Variants in MED13 observed in about 807,000 individuals in gnomAD.
The protein encoded by MED13 is mediator of RNA polymerase II transcription subunit 13.
In MED13, 23 loss-of-function variants were observed where a neutral mutation model predicts 225.2. The ratio of observed to expected loss-of-function variants is 0.10; its 90% CI spans 0.07 to 0.14. The LOEUF (loss-of-function observed/expected upper bound fraction) is 0.14, where lower values mean the gene tolerates loss of function less well. MED13 is among the 10% of genes least tolerant of loss of function. The pLI is 1.00. For synonymous variants in MED13, 942 were observed against 889.2 expected (o/e 1.06, Z -1.06); for missense variants, 2,197 against 2,594.5 (o/e 0.85, Z 3.33).
rs1482846328 is a variant in MED13, at chr17:61,943,448, C to A, written c.*3020G>T. On this transcript the variant is annotated 3_prime_UTR_variant, in exon 30 of 30. Transcript: ENST00000397786. The stretch of plus-strand genomic sequence containing the variant: ...AGTAACACATTAAGTTAAAAAATTA[C>A]CTCAGAAGGTAAATATGAAGACGAA... 5 of 152,446 alleles carry A rather than the reference C, an allele frequency of 3.3e-5. No homozygotes were observed. Among genetic ancestry groups the A allele is most frequent in the Admixed American group, 2.0e-4 (3 of 15,262 alleles). 9.4% of individuals were successfully genotyped at this position (152,446 alleles called of 1,614,324 possible).
intron 8 of MED13, 24 bp from the exon 9 acceptor site, chr17:62,011,257 C>A: frequency 6.3e-7 from 1 of 1,586,672 alleles, no homozygotes; most frequent in South Asian, 1.2e-5. Context: ...ATAAAGGTTT[C>A]ATATTTACAG....
intron 8 of MED13, among the ~76,000 whole-genome samples, chr17:62,018,621 C>T (rs1049398799): frequency 6.6e-6 from 1 of 150,960 alleles, no homozygotes; most frequent in Non-Finnish European, 1.5e-5. Flanking sequence ...GGCTGAGGCA[C>T]GAAAATCGCT....
chr17:62,056,798 A>G (rs1310209404), intron 2 of MED13, among the ~76,000 whole-genome samples: 1 of 152,108 alleles, frequency 6.6e-6, no homozygotes, highest in African/African-American at 2.4e-5. Flanking sequence ...TTGTAGCTCT[A>G]TGTCCAGAGA....
In MED13 at chr17:62,052,656, A is replaced by T; in HGVS notation, c.351T>A (p.Thr117=). 6.3e-7 allele frequency: 1 copy of T among 1,597,554 alleles called. No homozygotes were observed. The highest frequency in any genetic ancestry group is 8.5e-7 in the Non-Finnish European group (1 of 1,170,958). ...GATTGTGAACTGCTTTGAAAAGCAG[A>T]GTACGGCATTCATAGGAAAGTCCAT... ...WENGLSYECR[T]LLFKAVHNLL... is the part of the protein sequence containing the mutation. The change falls in exon 3 of 30, where the codon ACT becomes ACA. Residue 117 remains threonine (T), a synonymous_variant. Transcript: ENST00000397786.
chr17:62,000,051 C>G (rs1484742304), intron 9 of MED13, among the ~76,000 whole-genome samples: 6 of 152,118 alleles, frequency 3.9e-5, no homozygotes, highest in East Asian at 1.9e-4. Context: ...GCCTGGGTAA[C>G]AGAGCAAGAT....
chr17:61,956,140 A>G (rs373943838), intron 24 of MED13, among the ~76,000 whole-genome samples, 199 bp downstream of exon 24: 85 of 152,346 alleles, frequency 5.6e-4, no homozygotes, highest in African/African-American at 1.9e-3. Context: ...AACAGCAGTA[A>G]TAAGACTGAT....
intron 10 of MED13, among the ~76,000 whole-genome samples, chr17:61,994,004 A>AT (rs1290224109): frequency 0.01 from 1,489 of 145,976 alleles, 17 homozygotes; most frequent in African/African-American, 0.028. Context: ...ACAGATTTCA[A>AT]TTTTTTTTTT....
At chr17:61,999,010 C>T (rs1354260200) in intron 9 of MED13, among the ~76,000 whole-genome samples, 1 of 142,228 alleles carries the variant, frequency 7.0e-6, no homozygotes, top group Non-Finnish European at 1.5e-5. Context: ...CAAAGGAAAG[C>T]TTTATTTGCA....
intron 16 of MED13, among the ~76,000 whole-genome samples, chr17:61,978,202 C>A (rs961688077): frequency 2.7e-5 from 4 of 150,504 alleles, no homozygotes; most frequent in African/African-American, 9.8e-5. Context: ...CGGGCTGGAG[C>A]GAAATGGCAG....
At chr17:62,014,637 T>C (rs761025082) in intron 8 of MED13, among the ~76,000 whole-genome samples, 1 of 152,138 alleles carries the variant, frequency 6.6e-6, no homozygotes, top group Non-Finnish European at 1.5e-5. Flanking sequence ...TCTTGAGTAC[T>C]TGAATTGTGG....
intron 11 of MED13, among the ~76,000 whole-genome samples, chr17:61,991,665 G>T (rs1261808344): frequency 1.3e-5 from 2 of 152,094 alleles, no homozygotes; most frequent in East Asian, 3.9e-4. Context: ...GTGCCTCCAT[G>T]CCCAGCTAAT....
rs764129800 is a variant in MED13, at chr17:61,965,147, G to A, written c.4703C>T (p.Ala1568Val). The A allele has an allele frequency of 2.5e-6, 4 of 1,614,000 alleles. No homozygotes were observed. The African/African-American group carries it at 5.3e-5, about 22-fold the overall frequency. Residue 1568 changes from alanine (A) to valine (V), a missense_variant, in exon 20 of 30, where the codon GCT becomes GTT. By Grantham distance (64) the Ala-to-Val change is moderately conservative (BLOSUM62 0). This residue lies in a region of MED13 where 457 missense variants were observed against 442.2 expected (regional missense o/e 1.03). Transcript: ENST00000397786. ...FPPFGSMNSNAAGSMSTQANT... is the reference protein window; with the variant it reads ...FPPFGSMNSNVAGSMSTQANT... The stretch of plus-strand genomic sequence containing the variant: ...TGCTTGTGTAGACATGGATCCTGCA[G>A]CATTACTGTTCATACTGCCAAAGGG...
At chr17:61,990,733 G>A (rs944962917) in intron 11 of MED13, among the ~76,000 whole-genome samples, 2 of 151,066 alleles carry the variant, frequency 1.3e-5, no homozygotes, top group Non-Finnish European at 2.9e-5. Context: ...TATTTTACAA[G>A]TTAAATGGGT....
intron 9 of MED13, among the ~76,000 whole-genome samples, chr17:62,008,054 A>C (rs1245900125): frequency 7.0e-6 from 1 of 143,728 alleles, no homozygotes; most frequent in African/African-American, 2.6e-5. Context: ...GCAGTGGCTC[A>C]CGCCTGTAAT....
chr17:61,967,224 C>T (rs948538452), intron 18 of MED13, among the ~76,000 whole-genome samples: 5 of 152,092 alleles, frequency 3.3e-5, no homozygotes, highest in African/African-American at 1.2e-4. Context: ...CCTTTAAAAA[C>T]CTAATATGAA....
chr17:62,044,564 A>G (rs1000658612), intron 3 of MED13, among the ~76,000 whole-genome samples: 1 of 152,242 alleles, frequency 6.6e-6, no homozygotes, highest in African/African-American at 2.4e-5. Context: ...TCTTTATGTT[A>G]TATCCAGCAA....
chr17:61,964,949 AAAG>A (rs2080042047), intron 20 of MED13, 54 bp downstream of exon 20: 4 of 1,484,894 alleles, frequency 2.7e-6, no homozygotes, highest in South Asian at 1.3e-5. Flanking sequence ...AAAAAAAAAG[AAAG>A]AAGCAGCATC....
chr17:62,052,427 A>C lies in MED13; in HGVS notation c.470+110T>G, dbSNP rs572038612. 1.2e-4 allele frequency: 88 copies of C among 759,442 alleles called. No individual in the cohort carries two copies. In the East Asian group the frequency reaches 2.5e-3, roughly 22 times the overall value. 47.0% of individuals were successfully genotyped at this position (759,442 alleles called of 1,614,324 possible). A position where few individuals can be genotyped will look rare whatever the true frequency, so the allele number is the denominator to read the frequency against. On this transcript the variant is annotated intron_variant, in intron 3 of 29. Coordinates refer to ENST00000397786, the MANE Select transcript of MED13 (RefSeq NM_005121.3). ...CTGTATCTAGTACTCTGTCACTGAC[A>C]ACCTCTGGAATATGTCTGTATATTA...
At position 62,008,016 on chromosome 17, in the gene MED13, CAAAA is replaced by C. The variant is rs60236710; in HGVS notation, c.1967+2530_1967+2533del. 7.1e-3 allele frequency among the ~76,000 whole-genome samples: 357 copies of C among 50,500 alleles called. 5 individuals carry two copies. The highest frequency in any genetic ancestry group is 9.4e-3 in the Non-Finnish European group (242 of 25,642). 33.1% of individuals were successfully genotyped at this position (50,500 alleles called of 152,430 possible). ...CCTGGAGGAAAGAGCGAGACTGTCT[CAAAA>C]AAAAAAAAAAAAAAAAGCTGTGCGC... On this transcript the variant is annotated intron_variant, in intron 9 of 29. Coordinates refer to ENST00000397786, the MANE Select transcript of MED13 (RefSeq NM_005121.3).
Sources: allele counts gnomAD v4.1 joint callset (sites outside exome capture counted in the v4.1 genomes callset), GRCh38; gene constraint gnomAD v4.1.1; regional missense constraint gnomAD v4.1.1; transcripts MANE v1.5; gene names NCBI Gene and HGNC (gene_info 2026-07-23, HGNC 2026-07-21).